Variants in RNF6 observed in about 807,000 individuals in gnomAD.
RNF6 encodes the protein E3 ubiquitin-protein ligase RNF6.
RNF6 carries 21 observed loss-of-function variants against 50.1 expected under a neutral mutation model. The observed-to-expected ratio is 0.42, with a 90% CI of 0.30 to 0.60. The LOEUF is 0.60. Ranked by LOEUF, RNF6 falls within the 20% of genes least tolerant of loss-of-function variation. The pLI is 0.20. For missense variants in RNF6, 698 were observed against 838.2 expected, an observed-to-expected ratio of 0.83 and a Z score of 2.07; for synonymous variants, 255 against 291.8, an observed-to-expected ratio of 0.87 and a Z score of 1.29.
At chr13:26,134,366 G>C (rs1424366760) in intron 5 of RNF6, among the ~76,000 whole-genome samples, 2 of 152,230 alleles carry the variant, frequency 1.3e-5, no homozygotes, top group African/African-American at 4.8e-5. Context: ...TGCCGGCATG[G>C]GTGAGCGTGA....
rs538874768 is a variant in RNF6 at position 26,173,834 on chromosome 13, C to T, written n.769-41383G>A. On this transcript the variant is annotated intron_variant and non_coding_transcript_variant, in intron 5 of 5. Coordinates refer to the RNF6 transcript ENST00000468480. ...GATGTGGTGGTGTATGCCTGTAATC[C>T]TAGCTACTCGGGAGGCTGAGGCAGG... Among the ~76,000 whole-genome samples the T allele has an allele frequency of 2.3e-3, 344 of 151,578 alleles. 1 individual carries two copies. The highest frequency in any genetic ancestry group is 8.1e-3 in the African/African-American group (336 of 41,358).
chr13:26,147,299 G>A (rs1871302004), intron 5 of RNF6, among the ~76,000 whole-genome samples: 1 of 152,220 alleles, frequency 6.6e-6, no homozygotes, highest in Non-Finnish European at 1.5e-5. Flanking sequence ...CTGGTTATAA[G>A]TCTAAAAACA....
chr13:26,213,588 G>A lies in RNF6; in HGVS notation c.*236C>T. On this transcript the variant is annotated 3_prime_UTR_variant, in exon 5 of 5. Coordinates refer to ENST00000381588, the MANE Select transcript of RNF6 (RefSeq NM_005977.4). ...ATTACCAAAATAAAAACATTTTAGA[G>A]GTTATTTGGTTCTAGCAATATTAAC... The A allele has an allele frequency of 2.9e-6, 1 of 349,292 alleles. No individual in the cohort carries two copies. Among genetic ancestry groups the A allele is most frequent in the Non-Finnish European group, 5.1e-6 (1 of 196,106 alleles). 21.6% of individuals were successfully genotyped at this position (349,292 alleles called of 1,614,324 possible). A position where few individuals can be genotyped will look rare whatever the true frequency, so the allele number is the denominator to read the frequency against.
At chr13:26,160,950 C>T (rs1872184585) in intron 5 of RNF6, among the ~76,000 whole-genome samples, 1 of 152,048 alleles carries the variant, frequency 6.6e-6, no homozygotes, top group Admixed American at 6.6e-5. Flanking sequence ...CTTTAATGGA[C>T]TCATTTTAAT....
intron 5 of RNF6, among the ~76,000 whole-genome samples, chr13:26,135,849 A>G (rs1374808029): frequency 1.3e-5 from 2 of 151,892 alleles, no homozygotes; most frequent in Non-Finnish European, 2.9e-5. Context: ...TCGTTGCAAG[A>G]TCTGGTTGTT....
intron 5 of RNF6, among the ~76,000 whole-genome samples, chr13:26,159,639 T>A (rs1198352202): frequency 2.6e-5 from 4 of 152,096 alleles, no homozygotes; most frequent in Non-Finnish European, 5.9e-5. Context: ...AAAAAAATTA[T>A]TAAGTATAAT....
chr13:26,166,512 G>C (rs1389437655), intron 5 of RNF6, among the ~76,000 whole-genome samples: 1 of 152,082 alleles, frequency 6.6e-6, no homozygotes, highest in Admixed American at 6.6e-5. Context: ...AAAGTTTCAG[G>C]ATACAAAATC....
At position 26,157,311 on chromosome 13, in the gene RNF6, A is replaced by T. The variant is rs191731058; in HGVS notation, n.769-24860T>A. Among the ~76,000 whole-genome samples, 3 of 152,256 alleles carry T rather than the reference A, an allele frequency of 2.0e-5. No homozygotes were observed. In the East Asian group the frequency reaches 5.8e-4, roughly 29 times the overall value. On this transcript the variant is annotated intron_variant and non_coding_transcript_variant, in intron 5 of 5. Transcript: ENST00000468480. ...ATGAAACTAGAAATATTAGAAGAAA[A>T]TGTAGATAATTATTATATAATCTTG...
chr13:26,148,556 G>A (rs1196214228), intron 5 of RNF6, among the ~76,000 whole-genome samples: 1 of 141,600 alleles, frequency 7.1e-6, no homozygotes, highest in Non-Finnish European at 1.5e-5. Flanking sequence ...TTCTGTTCCT[G>A]TAGAACCACT....
intron 5 of RNF6, among the ~76,000 whole-genome samples, chr13:26,187,122 A>G (rs9581581): frequency 0.71 from 107,834 of 151,830 alleles, 39,172 homozygotes; most frequent in Middle Eastern, 0.8. Context: ...GAGGTCCGGG[A>G]CTGGGGCTGT....
intron 4 of RNF6, among the ~76,000 whole-genome samples, chr13:26,216,832 G>A (rs186489490): frequency 3.4e-4 from 52 of 152,242 alleles, no homozygotes; most frequent in Non-Finnish European, 6.3e-4. Context: ...GCGTGCGCCT[G>A]TAATCCCAGC....
chr13:26,221,364 A>G (rs1159997338), intron 1 of RNF6, 34 bp from the exon 2 acceptor site: 2 of 152,196 alleles, frequency 1.3e-5, no homozygotes, highest in Non-Finnish European at 2.9e-5. Flanking sequence ...ATAATTCAAT[A>G]AACTGTTTCT....
intron 5 of RNF6, among the ~76,000 whole-genome samples, chr13:26,148,025 G>A (rs577746084): frequency 9.5e-4 from 145 of 152,264 alleles, no homozygotes; most frequent in African/African-American, 3.4e-3. Context: ...ATTTATAAAG[G>A]AAAGAAGTTT....
chr13:26,185,289 A>G (rs1566425515), intron 5 of RNF6, among the ~76,000 whole-genome samples: 1 of 152,202 alleles, frequency 6.6e-6, no homozygotes, highest in African/African-American at 2.4e-5. Context: ...GGCATGAGCC[A>G]TCATCCCCGA....
intron 5 of RNF6, among the ~76,000 whole-genome samples, chr13:26,192,013 G>C (rs966660541): frequency 3.3e-5 from 5 of 152,198 alleles, no homozygotes; most frequent in Admixed American, 2.6e-4. Context: ...CATGTTTTTT[G>C]AGAAATATTT....
intron 5 of RNF6, among the ~76,000 whole-genome samples, chr13:26,153,139 CA>C (rs1431482201): frequency 7.1e-6 from 1 of 140,660 alleles, no homozygotes; most frequent in African/African-American, 2.7e-5. Flanking sequence ...GGCAACAGAG[CA>C]AGACTCTGTC....
At chr13:26,155,590 C>T (rs556221011) in intron 5 of RNF6, among the ~76,000 whole-genome samples, 13 of 152,262 alleles carry the variant, frequency 8.5e-5, no homozygotes, top group Admixed American at 1.3e-4. Context: ...AGGGAAGGCC[C>T]GTGTCCCTGA....
chr13:26,201,085 A>G (rs1249093596), intron 5 of RNF6, among the ~76,000 whole-genome samples: 2 of 151,046 alleles, frequency 1.3e-5, no homozygotes, highest in Non-Finnish European at 2.9e-5. Context: ...AATAGCAAAT[A>G]AAAAACACCA....
chr13:26,142,782 A>G (rs547510327), intron 5 of RNF6, among the ~76,000 whole-genome samples: 2 of 152,256 alleles, frequency 1.3e-5, no homozygotes, highest in South Asian at 4.1e-4. Context: ...TGTGTTCACT[A>G]CCTGGGTGAT....
Sources: allele counts gnomAD v4.1 joint callset (sites outside exome capture counted in the v4.1 genomes callset), GRCh38; gene constraint gnomAD v4.1.1; transcripts MANE v1.5; gene names NCBI Gene and HGNC (gene_info 2026-07-23, HGNC 2026-07-21).